DPP10: variants seen among roughly 807,000 people sequenced by gnomAD.
The protein encoded by DPP10 is inactive dipeptidyl peptidase 10.
In DPP10, 33 loss-of-function variants were observed where a neutral mutation model predicts 120.9. That is an observed-to-expected ratio of 0.27 (90% CI 0.21 to 0.37). The LOEUF is 0.37. DPP10 is among the 10% of genes least tolerant of loss of function. DPP10 has a pLI of 1.00. For synonymous variants in DPP10, 337 were observed against 326.1 expected (o/e 1.03, Z -0.36); for missense variants, 816 against 942.8 (o/e 0.87, Z 1.76).
chr2:115,816,914 C>CTGCTGTTGCCTTTCT (rs1687294799), intron 21 of DPP10, among the ~76,000 whole-genome samples: 1 of 149,034 alleles, frequency 6.7e-6, no homozygotes. Context: ...CGTGCCCAGC[C>CTGCTGTTGCCTTTCT]TATTGAGCTT....
intron 19 of DPP10, among the ~76,000 whole-genome samples, chr2:115,803,142 T>TAG (rs1047015137): frequency 7.9e-5 from 12 of 152,196 alleles, no homozygotes; most frequent in Admixed American, 2.0e-4. Context: ...ATATTTAGGA[T>TAG]AGTTAGTTCT....
At chr2:114,858,929 T>C (rs903797062) in intron 1 of DPP10, among the ~76,000 whole-genome samples, 1 of 152,174 alleles carries the variant, frequency 6.6e-6, no homozygotes, top group Non-Finnish European at 1.5e-5. Context: ...TCTCCCCACA[T>C]GGAGTCTATC....
intron 5 of DPP10, among the ~76,000 whole-genome samples, chr2:115,585,606 C>G (rs967062142): frequency 1.3e-5 from 2 of 152,080 alleles, no homozygotes; most frequent in Non-Finnish European, 2.9e-5. Context: ...CTCAAAGAAA[C>G]AAAGATACCA....
rs79347091 is a variant in DPP10 at position 114,531,238 on chromosome 2, A to G, written c.60+88400A>G. On this transcript the variant is annotated intron_variant, in intron 1 of 25. Transcript: ENST00000410059. ...AATAAGCTGTGATACTTGGGACAGG[A>G]CAACCAAAACCTAGTTTCCTTCAAA... 6.0e-4 allele frequency among the ~76,000 whole-genome samples: 91 copies of G among 152,258 alleles called. 1 individual carries two copies. The East Asian group carries it at 6.6e-3, about 11-fold the overall frequency.
intron 1 of DPP10, among the ~76,000 whole-genome samples, chr2:114,520,661 C>T (rs1442085242): frequency 6.6e-6 from 1 of 152,142 alleles, no homozygotes; most frequent in Non-Finnish European, 1.5e-5. Context: ...GAAGAACCAC[C>T]ATCTTCTCCA....
chr2:115,023,562 C>A (rs1257466655), intron 1 of DPP10, among the ~76,000 whole-genome samples: 1 of 151,964 alleles, frequency 6.6e-6, no homozygotes, highest in Non-Finnish European at 1.5e-5. Flanking sequence ...CAAACTAGTA[C>A]AACCACTAGG....
intron 5 of DPP10, among the ~76,000 whole-genome samples, chr2:115,641,603 C>T (rs1039466839): frequency 6.6e-6 from 1 of 152,060 alleles, no homozygotes; most frequent in African/African-American, 2.4e-5. Context: ...ACTTATGAGT[C>T]TCTATGTGTA....
At chr2:115,319,666 G>T (rs558383049) in intron 2 of DPP10, among the ~76,000 whole-genome samples, 5 of 152,226 alleles carry the variant, frequency 3.3e-5, no homozygotes, top group African/African-American at 1.2e-4. Flanking sequence ...TAGTTCATTT[G>T]TGCTGCTATA....
chr2:115,052,884 G>T (rs148811728), intron 1 of DPP10, among the ~76,000 whole-genome samples: 264 of 151,648 alleles, frequency 1.7e-3, no homozygotes, highest in Middle Eastern at 3.4e-3. Context: ...CCTGGGAGGC[G>T]GAGGTTGCAG....
intron 1 of DPP10, among the ~76,000 whole-genome samples, chr2:115,222,906 G>A (rs1020896526): frequency 4.6e-5 from 7 of 151,832 alleles, no homozygotes; most frequent in Non-Finnish European, 8.8e-5. Flanking sequence ...ATCAGTTGCC[G>A]ATTGCTTTTG....
intron 1 of DPP10, among the ~76,000 whole-genome samples, chr2:114,731,064 G>C (rs568698791): frequency 6.6e-6 from 1 of 151,972 alleles, no homozygotes; most frequent in Admixed American, 6.6e-5. Context: ...AATTATCTGG[G>C]GCATCTTAAT....
intron 1 of DPP10, among the ~76,000 whole-genome samples, chr2:115,232,727 T>C (rs1322077025): frequency 6.6e-6 from 1 of 152,252 alleles, no homozygotes; most frequent in Non-Finnish European, 1.5e-5. Flanking sequence ...ACATATTGAA[T>C]GAAGTCAATG....
intron 1 of DPP10, among the ~76,000 whole-genome samples, chr2:114,792,990 TTGTGTGTGTGTGTGTG>T (rs55780807): frequency 1.0e-4 from 15 of 143,738 alleles, no homozygotes; most frequent in African/African-American, 2.1e-4. Flanking sequence ...AACTGTATTA[TTGTGTGTGTGTGTGTG>T]TGTGTGTGTG....
At chr2:114,488,342 C>T (rs919476660) in intron 1 of DPP10, among the ~76,000 whole-genome samples, 1 of 152,102 alleles carries the variant, frequency 6.6e-6, no homozygotes, top group Non-Finnish European at 1.5e-5. Context: ...TTATCTGTAA[C>T]GTGATGATAA....
At chr2:115,052,060 T>C (rs1346891325) in intron 1 of DPP10, among the ~76,000 whole-genome samples, 1 of 152,188 alleles carries the variant, frequency 6.6e-6, no homozygotes, top group East Asian at 1.9e-4. Flanking sequence ...ACCAAAGTGC[T>C]GAGACCACTC....
intron 2 of DPP10, among the ~76,000 whole-genome samples, chr2:115,315,789 C>T (rs1168287950): frequency 6.6e-6 from 1 of 152,098 alleles, no homozygotes; most frequent in Non-Finnish European, 1.5e-5. Flanking sequence ...ATTACCCAGG[C>T]ATAATCAGGC....
chr2:115,132,217 G>T (rs1055484462), intron 1 of DPP10, among the ~76,000 whole-genome samples: 2 of 152,158 alleles, frequency 1.3e-5, no homozygotes, highest in Non-Finnish European at 2.9e-5. Flanking sequence ...AAGATTGGGG[G>T]TGTTGTGATG....
chr2:115,405,384 C>T (rs900551761), intron 3 of DPP10, among the ~76,000 whole-genome samples: 4 of 152,170 alleles, frequency 2.6e-5, no homozygotes, highest in African/African-American at 9.7e-5. Flanking sequence ...GACAGGCCCA[C>T]CTCCAAGACT....
intron 1 of DPP10, among the ~76,000 whole-genome samples, chr2:115,119,732 T>C (rs67448492): frequency 6.6e-6 from 1 of 152,010 alleles, no homozygotes; most frequent in Non-Finnish European, 1.5e-5. Context: ...TCTAAAAGGA[T>C]GCCTCTTGAA....
Sources: allele counts gnomAD v4.1 joint callset (sites outside exome capture counted in the v4.1 genomes callset), GRCh38; gene constraint gnomAD v4.1.1; transcripts MANE v1.5; gene names NCBI Gene and HGNC (gene_info 2026-07-23, HGNC 2026-07-21).